PDILT: variants seen among roughly 807,000 people sequenced by gnomAD.
The protein encoded by PDILT is protein disulfide-isomerase-like protein of the testis.
A neutral mutation model predicts 53.7 loss-of-function variants in PDILT; 43 were observed. That is an observed-to-expected ratio of 0.80 (90% CI 0.63 to 1.03). PDILT has a LOEUF of 1.03. Among genes scored for constraint, PDILT ranks in the 50% least tolerant of loss-of-function variants. PDILT has a pLI of 0.00. For synonymous variants in PDILT, 282 were observed against 274.2 expected, an observed-to-expected ratio of 1.03 and a Z score of -0.28; for missense variants, 727 against 712.3, an observed-to-expected ratio of 1.02 and a Z score of -0.24.
chr16:20,398,711 T>C (rs370205993), intron 2 of PDILT, among the ~76,000 whole-genome samples: 1 of 152,186 alleles, frequency 6.6e-6, no homozygotes, highest in Non-Finnish European at 1.5e-5. Flanking sequence ...TCTCTAGATG[T>C]GTTCCAGGAA....
rs565193347 is a variant in PDILT, at chr16:20,367,231, T to C, written c.1117-1691A>G. ...GATTCTCCTGCCTCAGCCTCCTGAG[T>C]AGCTGGGACTACAGGTGCGTGCCAC... On this transcript the variant is annotated intron_variant, in intron 8 of 11. Transcript: ENST00000302451. 1.1e-3 allele frequency among the ~76,000 whole-genome samples: 170 copies of C among 151,982 alleles called. 1 individual carries two copies. The highest frequency in any genetic ancestry group is 4.0e-3 in the African/African-American group (164 of 41,426).
intron 2 of PDILT, among the ~76,000 whole-genome samples, chr16:20,397,923 A>T (rs1303709327): frequency 1.3e-5 from 2 of 152,168 alleles, no homozygotes; most frequent in African/African-American, 4.8e-5. Flanking sequence ...ACAGGATTCC[A>T]AATCCAGTGT....
chr16:20,363,744 T>C (rs374844315), intron 9 of PDILT, among the ~76,000 whole-genome samples: 3 of 152,276 alleles, frequency 2.0e-5, no homozygotes, highest in African/African-American at 7.2e-5. Flanking sequence ...ATTATACATA[T>C]ATAATTCAGA....
intron 9 of PDILT, among the ~76,000 whole-genome samples, chr16:20,364,830 T>C (rs568420637): frequency 2.0e-5 from 3 of 152,324 alleles, no homozygotes; most frequent in South Asian, 4.1e-4. Context: ...TGCTAAGTAC[T>C]GTACATGGAG....
At chr16:20,375,968 A>C in intron 4 of PDILT, 100 bp downstream of exon 4, 1 of 1,449,350 alleles carries the variant, frequency 6.9e-7, no homozygotes, top group African/African-American at 1.4e-5. Context: ...GATGGAGAAA[A>C]TTGGGCAATC....
At chr16:20,400,602 T>G (rs1298811187) in intron 1 of PDILT, among the ~76,000 whole-genome samples, 4 of 152,244 alleles carry the variant, frequency 2.6e-5, no homozygotes, top group Admixed American at 1.3e-4. Flanking sequence ...TCTTTTGTTT[T>G]ATTTCAACTT....
rs764433216 is a variant in PDILT at position 20,372,844 on chromosome 16, TATG to T, written c.873_875del (p.Ile293del). ...TTGATGCCAGCTTATAATGCTGAAT[TATG>T]ATACCATATGACTCGGAGCTTTTGG... On this transcript the variant is annotated inframe_deletion, in exon 7 of 12. Coordinates refer to ENST00000302451, the MANE Select transcript of PDILT (RefSeq NM_174924.2). The T allele has an allele frequency of 6.2e-7, 1 of 1,614,074 alleles. No individual in the cohort carries two copies. The highest frequency in any genetic ancestry group is 1.7e-5 in the Admixed American group (1 of 60,014).
intron 9 of PDILT, among the ~76,000 whole-genome samples, chr16:20,363,071 C>CAA (rs1187383410): frequency 0.34 from 31,579 of 93,430 alleles, 6,517 homozygotes; most frequent in Non-Finnish European, 0.44. Flanking sequence ...GACTCCATCT[C>CAA]AAAAAAAAAA....
intron 7 of PDILT, among the ~76,000 whole-genome samples, chr16:20,371,754 G>GTAAA (rs1567322812): frequency 6.6e-6 from 1 of 151,940 alleles, no homozygotes; most frequent in Non-Finnish European, 1.5e-5. Context: ...ATTGACTACT[G>GTAAA]TAAAATAGGA....
chr16:20,370,636 G>A (rs1226146407), intron 7 of PDILT, among the ~76,000 whole-genome samples: 1 of 152,206 alleles, frequency 6.6e-6, no homozygotes, highest in South Asian at 2.1e-4. Flanking sequence ...CTTGAATACA[G>A]GCTGGGTAAA....
chr16:20,376,077 G>A lies in PDILT; in HGVS notation c.534C>T (p.Gly178=). Residue 178 remains glycine, a synonymous_variant, in exon 4 of 12, where the codon GGC becomes GGT. Transcript: ENST00000302451. The stretch of plus-strand genomic sequence containing the variant: ...CTCTTGGTCCCAGTACCTGGAAGAA[G>A]CCAACGATGACCAAGGGCCTGGATA... ...FVISRPLVIV[G]FFQDLEEEVA... 1 of 1,614,064 alleles carries A rather than the reference G, an allele frequency of 6.2e-7. No individual in the cohort carries two copies. The highest frequency in any genetic ancestry group is 1.3e-5 in the African/African-American group (1 of 75,002).
intron 2 of PDILT, 86 bp downstream of exon 2, chr16:20,399,013 A>T (rs959686676): frequency 7.3e-7 from 1 of 1,364,380 alleles, no homozygotes; most frequent in Non-Finnish European, 1.0e-6. Context: ...TGTGTTTAGC[A>T]ATATATAAAA....
chr16:20,384,980 A>C (rs1216978906), intron 2 of PDILT, 129 bp from the exon 3 acceptor site: 20 of 831,374 alleles, frequency 2.4e-5, no homozygotes, highest in Admixed American at 2.0e-4. Flanking sequence ...CTGAATTTTC[A>C]TAAATGTGAC....
intron 1 of PDILT, among the ~76,000 whole-genome samples, chr16:20,401,129 G>A (rs1251719708): frequency 6.6e-6 from 1 of 152,188 alleles, no homozygotes; most frequent in African/African-American, 2.4e-5. Flanking sequence ...TTTCTGGACA[G>A]CTAAATGATA....
At chr16:20,367,396 C>T (rs1184532299) in intron 8 of PDILT, among the ~76,000 whole-genome samples, 1 of 152,160 alleles carries the variant, frequency 6.6e-6, no homozygotes, top group Non-Finnish European at 1.5e-5. Context: ...CTCTGGAAAG[C>T]ACTTAAAGAT....
At chr16:20,373,220 A>G (rs1966333139) in intron 5 of PDILT, 98 bp from the exon 6 acceptor site, 1 of 1,011,088 alleles carries the variant, frequency 9.9e-7, no homozygotes. Context: ...GATAAAAGGA[A>G]AGCACTGAGG....
chr16:20,362,637 G>T, intron 9 of PDILT, 55 bp from the exon 10 acceptor site: 1 of 1,574,990 alleles, frequency 6.3e-7, no homozygotes, highest in Non-Finnish European at 8.7e-7. Flanking sequence ...CAGAAAGCTG[G>T]CGCCACCCTA....
At chr16:20,371,305 T>C (rs1164242314) in intron 7 of PDILT, among the ~76,000 whole-genome samples, 1 of 152,168 alleles carries the variant, frequency 6.6e-6, no homozygotes, top group African/African-American at 2.4e-5. Flanking sequence ...GAGAAGGTCA[T>C]TCTGGTTGCA....
intron 11 of PDILT, among the ~76,000 whole-genome samples, chr16:20,360,183 A>ACTGT (rs1377490428): frequency 1.3e-5 from 2 of 151,846 alleles, no homozygotes; most frequent in Non-Finnish European, 2.9e-5. Flanking sequence ...TACAGAGGGC[A>ACTGT]CTGTCCAGCA....
Sources: allele counts gnomAD v4.1 joint callset (sites outside exome capture counted in the v4.1 genomes callset), GRCh38; gene constraint gnomAD v4.1.1; transcripts MANE v1.5; gene names NCBI Gene and HGNC (gene_info 2026-07-23, HGNC 2026-07-21).